Variants in LRRC69 observed in about 807,000 individuals in gnomAD.
The protein encoded by LRRC69 is leucine-rich repeat-containing protein 69.
Under a neutral mutation model 37.8 loss-of-function variants are expected in LRRC69, and 42 were observed. The observed-to-expected ratio is 1.11, with a 90% CI of 0.87 to 1.44. LRRC69 has a LOEUF of 1.44. Ranked by LOEUF, LRRC69 falls within the 40% of genes most tolerant of loss-of-function variation. The pLI, the probability that LRRC69 is intolerant of heterozygous loss-of-function variation, is 0.00. For missense variants in LRRC69, 357 were observed against 401.9 expected, an observed-to-expected ratio of 0.89 and a Z score of 0.96; for synonymous variants, 141 against 143.1, an observed-to-expected ratio of 0.99 and a Z score of 0.11.
intron 5 of LRRC69, among the ~76,000 whole-genome samples, chr8:91,159,690 T>C (rs35898763): frequency 0.053 from 7,941 of 151,066 alleles, 301 homozygotes; most frequent in Middle Eastern, 0.16. Flanking sequence ...TTCAGAGAAA[T>C]AGAGCATGAG....
At chr8:91,212,413 A>G (rs1382257626) in intron 7 of LRRC69, among the ~76,000 whole-genome samples, 2 of 152,168 alleles carry the variant, frequency 1.3e-5, no homozygotes, top group Admixed American at 6.5e-5. Context: ...TCAACCCTGT[A>G]TTAAATGATG....
At chr8:91,171,318 T>C (rs1430196666) in intron 5 of LRRC69, among the ~76,000 whole-genome samples, 1 of 151,958 alleles carries the variant, frequency 6.6e-6, no homozygotes, top group African/African-American at 2.4e-5. Flanking sequence ...TGTATACATT[T>C]ATATTGTCAG....
chr8:91,195,741 T>C (rs2130620201), intron 6 of LRRC69, among the ~76,000 whole-genome samples: 1 of 152,290 alleles, frequency 6.6e-6, no homozygotes, highest in Non-Finnish European at 1.5e-5. Flanking sequence ...TGTGTGTCTC[T>C]GCACGTGAGA....
intron 3 of LRRC69, among the ~76,000 whole-genome samples, chr8:91,131,235 C>CTT (rs35337686): frequency 6.4e-4 from 90 of 140,204 alleles, no homozygotes; most frequent in East Asian, 1.2e-3. Flanking sequence ...ATTGATTTGT[C>CTT]TTTTTTTTTT....
At chr8:91,178,574 G>T (rs955011729) in intron 5 of LRRC69, among the ~76,000 whole-genome samples, 1 of 152,252 alleles carries the variant, frequency 6.6e-6, no homozygotes, top group African/African-American at 2.4e-5. Context: ...GACAACATTA[G>T]GCTGGTGCTC....
intron 5 of LRRC69, among the ~76,000 whole-genome samples, chr8:91,171,894 C>G (rs1054186375): frequency 7.3e-5 from 11 of 151,646 alleles, no homozygotes; most frequent in African/African-American, 2.7e-4. Context: ...TACTATTTTT[C>G]CATTTTAAAA....
At chr8:91,173,188 T>G (rs909816971) in intron 5 of LRRC69, among the ~76,000 whole-genome samples, 3 of 152,000 alleles carry the variant, frequency 2.0e-5, no homozygotes, top group Non-Finnish European at 2.9e-5. Context: ...GGTAGTCTAG[T>G]CCACAGAGCT....
intron 1 of LRRC69, among the ~76,000 whole-genome samples, chr8:91,117,295 T>C (rs1418944185): frequency 1.3e-5 from 2 of 152,016 alleles, no homozygotes; most frequent in African/African-American, 2.4e-5. Context: ...AGGCAGGCAG[T>C]AATGAGTACT....
chr8:91,174,974 A>G (rs1337781857), intron 5 of LRRC69, among the ~76,000 whole-genome samples: 1 of 152,136 alleles, frequency 6.6e-6, no homozygotes, highest in African/African-American at 2.4e-5. Flanking sequence ...AGAGTTTGAC[A>G]TTTTGCAAAG....
intron 5 of LRRC69, chr8:91,158,003 C>T: frequency 7.5e-7 from 1 of 1,335,680 alleles, no homozygotes; most frequent in Non-Finnish European, 1.1e-6. Flanking sequence ...TCTAGGTCTA[C>T]AACTTCATGC....
intron 1 of LRRC69, among the ~76,000 whole-genome samples, chr8:91,121,413 C>A (rs886833854): frequency 6.6e-6 from 1 of 152,048 alleles, no homozygotes; most frequent in Non-Finnish European, 1.5e-5. Flanking sequence ...GTATACCTTT[C>A]CAACCTCTTT....
intron 7 of LRRC69, among the ~76,000 whole-genome samples, chr8:91,213,671 A>G (rs913095898): frequency 6.6e-6 from 1 of 152,224 alleles, no homozygotes; most frequent in Non-Finnish European, 1.5e-5. Flanking sequence ...TTAGGATTCA[A>G]AGTGGAAGAT....
chr8:91,157,564 G>A, intron 5 of LRRC69: 1 of 1,525,930 alleles, frequency 6.6e-7, no homozygotes. Flanking sequence ...ACTCCTGGAA[G>A]ATAATATCAG....
rs535748882 is a variant in LRRC69 at position 91,200,817 on chromosome 8, A to G, written c.933+25A>G. ...GGTAAATGATGCTTTTTATGCGAATATGAGCATAATACTGATTCCTATCCT... is the reference window on the plus strand; with the variant it reads ...GGTAAATGATGCTTTTTATGCGAATGTGAGCATAATACTGATTCCTATCCT... On this transcript the variant is annotated intron_variant, in intron 7 of 7. Coordinates refer to ENST00000448384, the Ensembl canonical transcript of LRRC69. The G allele has an allele frequency of 7.1e-5, 108 of 1,513,782 alleles. No homozygotes were observed. In the East Asian group the frequency reaches 7.3e-4, roughly 10 times the overall value. 93.8% of individuals were successfully genotyped at this position (1,513,782 alleles called of 1,614,324 possible). A position where few individuals can be genotyped will look rare whatever the true frequency, so the allele number is the denominator to read the frequency against.
rs567995418 is a variant in LRRC69, at chr8:91,187,261, C to T, written c.652-2261C>T. ...ATTGCTTTATATCCATATCTTTTCA[C>T]TTAATGACTCAATGACATGAAGTCA... On this transcript the variant is annotated intron_variant, in intron 5 of 7. Coordinates refer to ENST00000448384, the Ensembl canonical transcript of LRRC69. Among the ~76,000 whole-genome samples, 20 of 152,302 alleles carry T rather than the reference C, an allele frequency of 1.3e-4. 1 individual carries two copies. Among genetic ancestry groups the T allele is most frequent in the Admixed American group, 1.0e-3 (16 of 15,306 alleles).
chr8:91,146,556 A>G (rs1411922037), intron 5 of LRRC69, among the ~76,000 whole-genome samples: 1 of 151,570 alleles, frequency 6.6e-6, no homozygotes, highest in Non-Finnish European at 1.5e-5. Flanking sequence ...TACATCTCCA[A>G]GTAATCTCTA....
intron 2 of LRRC69, among the ~76,000 whole-genome samples, chr8:91,126,323 A>G (rs1398633454): frequency 6.6e-6 from 1 of 151,996 alleles, no homozygotes; most frequent in Admixed American, 6.6e-5. Context: ...TGAGGCAGAG[A>G]TTGCAAACTG....
At chr8:91,123,007 G>A (rs1342538946) in intron 1 of LRRC69, among the ~76,000 whole-genome samples, 1 of 152,088 alleles carries the variant, frequency 6.6e-6, no homozygotes, top group Non-Finnish European at 1.5e-5. Flanking sequence ...GGAAGAGTCA[G>A]CATTAGTGTG....
intron 5 of LRRC69, among the ~76,000 whole-genome samples, chr8:91,139,583 G>A (rs1408980970): frequency 1.3e-5 from 2 of 151,072 alleles, no homozygotes; most frequent in South Asian, 2.1e-4. Context: ...GTGTGAACCC[G>A]GGAGGCGGAG....
Sources: gnomAD v4.1 joint callset for allele counts (sites outside exome capture counted in the v4.1 genomes callset) on GRCh38, gnomAD v4.1.1 for gene constraint, MANE v1.5 for transcripts, NCBI Gene and HGNC (gene_info 2026-07-23, HGNC 2026-07-21) for gene names.